The following MTSS2 variants were observed in gnomAD, a reference collection of about 807,000 sequenced individuals.
MTSS2 encodes the protein protein MTSS 2.
Under a neutral mutation model 67.1 loss-of-function variants are expected in MTSS2, and 27 were observed. That is an observed-to-expected ratio of 0.40 (90% CI 0.30 to 0.55). The LOEUF is 0.55. Ranked by LOEUF, MTSS2 falls within the 20% of genes least tolerant of loss-of-function variation. The pLI, the probability that MTSS2 is intolerant of heterozygous loss-of-function variation, is 0.43. For missense variants in MTSS2, 1,171 were observed against 1,067.8 expected (o/e 1.10, Z -1.35); for synonymous variants, 624 against 468.6 (o/e 1.33, Z -4.28).
intron 10 of MTSS2, among the ~76,000 whole-genome samples, chr16:70,675,268 T>C (rs1040460350): frequency 6.6e-6 from 1 of 151,496 alleles, no homozygotes; most frequent in Non-Finnish European, 1.5e-5. Flanking sequence ...ACAAAATATA[T>C]GAAAATTAGC....
rs1236863129 is a variant in MTSS2, at chr16:70,680,062, AG to A, written c.206-8del. 1 of 1,508,286 alleles carries A rather than the reference AG, an allele frequency of 6.6e-7. No homozygotes were observed. The highest frequency in any genetic ancestry group is 8.8e-7 in the Non-Finnish European group (1 of 1,135,980). 93.4% of individuals were successfully genotyped at this position (1,508,286 alleles called of 1,614,324 possible). Reference sequence around the variant, plus strand: ...CCGATGTCCCTCGTGGCCCCTGGCGAGGCAAGCGCGGGGTGGGAAGGGGCCC... The same window carrying A: ...CCGATGTCCCTCGTGGCCCCTGGCGAGCAAGCGCGGGGTGGGAAGGGGCCC... On this transcript the variant is annotated splice_region_variant and splice_polypyrimidine_tract_variant and intron_variant, in intron 3 of 14. Transcript: ENST00000338779.
At chr16:70,679,939 C>A (rs776422372) in intron 4 of MTSS2, 32 bp downstream of exon 4, 6 of 1,497,442 alleles carry the variant, frequency 4.0e-6, no homozygotes, top group Non-Finnish European at 5.3e-6. Context: ...CCCGTCCCCC[C>A]GCCCCCCTGC....
Position 70,679,414 on chromosome 16 carries a change from G to A in MTSS2, c.458-91C>T. 6 of 1,512,590 alleles carry A rather than the reference G, an allele frequency of 4.0e-6. No homozygotes were observed. The South Asian group carries it at 6.9e-5, about 17-fold the overall frequency. 93.7% of individuals were successfully genotyped at this position (1,512,590 alleles called of 1,614,324 possible). ...GATGGACAGAGCCACTCCTGGGGCG[G>A]GGGTGCCTGGGCCTCCTGCTGCCTC... is the stretch of plus-strand genomic sequence containing the variant. On this transcript the variant is annotated intron_variant, in intron 6 of 14. Transcript: ENST00000338779.
rs1296816577 is a variant in MTSS2 at position 70,679,337 on chromosome 16, G to GT, written c.458-15dup. 2 of 1,613,850 alleles carry GT rather than the reference G, an allele frequency of 1.2e-6. No individual in the cohort carries two copies. The highest frequency in any genetic ancestry group is 2.2e-5 in the South Asian group (2 of 91,076). On this transcript the variant is annotated splice_polypyrimidine_tract_variant and intron_variant, in intron 6 of 14. Coordinates refer to ENST00000338779, the MANE Select transcript of MTSS2 (RefSeq NM_138383.3). ...TACCAAGTAGCTCTACAGGAAGGAT[G>GT]TGGGAGGAGAGGAGGAGAGACAGAG...
At chr16:70,677,551 T>A (rs2053159623) in intron 9 of MTSS2, among the ~76,000 whole-genome samples, 1 of 152,168 alleles carries the variant, frequency 6.6e-6, no homozygotes, top group Non-Finnish European at 1.5e-5. Flanking sequence ...CCTGACTCCA[T>A]GGATCCAGGA....
At chr16:70,669,747 G>A (rs1489018130) in intron 11 of MTSS2, among the ~76,000 whole-genome samples, 2 of 149,956 alleles carry the variant, frequency 1.3e-5, no homozygotes, top group Non-Finnish European at 3.0e-5. Flanking sequence ...AGCCCGGGAG[G>A]CGGAGGTTGC....
In MTSS2 at chr16:70,685,920, T is replaced by A; in HGVS notation, c.-129A>T. 1 of 290,902 alleles carries A rather than the reference T, an allele frequency of 3.4e-6. No individual in the cohort carries two copies. The highest frequency in any genetic ancestry group is 4.9e-6 in the Non-Finnish European group (1 of 203,840). 18.0% of individuals were successfully genotyped at this position (290,902 alleles called of 1,614,324 possible). A position where few individuals can be genotyped will look rare whatever the true frequency, so the allele number is the denominator to read the frequency against. On this transcript the variant is annotated 5_prime_UTR_variant, in exon 1 of 15. The change abolishes the stop of an existing upstream ORF in the 5' untranslated region. Coordinates refer to ENST00000338779, the MANE Select transcript of MTSS2 (RefSeq NM_138383.3). ...CGGGCCTCCCGCCTCCAGGCTGCGCTCAGCGGCCGGCCGCGCCGCGCTCCG... is the reference window on the plus strand; with the variant it reads ...CGGGCCTCCCGCCTCCAGGCTGCGCACAGCGGCCGGCCGCGCCGCGCTCCG...
At chr16:70,678,126 G>A in intron 8 of MTSS2, 126 bp downstream of exon 8, 9 of 1,271,594 alleles carry the variant, frequency 7.1e-6, no homozygotes, top group Non-Finnish European at 9.8e-6. Context: ...CCTGCCTTTG[G>A]GCCAGGAGCA....
chr16:70,663,622 C>T lies in MTSS2; in HGVS notation c.*55G>A, dbSNP rs1407352756. ...CTTTGCTCTGAGTGCCTGCGGCTCA[C>T]AGACCAGGCCACCTGCTCGCACTGG... is the stretch of plus-strand genomic sequence containing the variant. On this transcript the variant is annotated 3_prime_UTR_variant, in exon 15 of 15. Coordinates refer to ENST00000338779, the MANE Select transcript of MTSS2 (RefSeq NM_138383.3). The T allele has an allele frequency of 1.7e-5, 26 of 1,489,150 alleles. No individual in the cohort carries two copies. The highest frequency in any genetic ancestry group is 2.0e-5 in the Non-Finnish European group (22 of 1,118,818). 92.2% of individuals were successfully genotyped at this position (1,489,150 alleles called of 1,614,324 possible).
rs1456682547 is a variant in MTSS2 at position 70,661,298 on chromosome 16, G to T, written c.*2379C>A. 6.6e-6 allele frequency: 3 copies of T among 455,374 alleles called. No individual in the cohort carries two copies. In the Admixed American group the frequency reaches 7.1e-5, roughly 11 times the overall value. The allele number at this position is 455,374 out of a possible 1,614,324, so 28.2% of individuals were successfully genotyped here. ...ATATTTAAATCGGGGAGGATGGTGT[G>T]GAGGGGGCGGGGAGGAGAGGAGAAT... On this transcript the variant is annotated 3_prime_UTR_variant, in exon 15 of 15. Coordinates refer to ENST00000338779, the MANE Select transcript of MTSS2 (RefSeq NM_138383.3).
chr16:70,670,002 G>C (rs539281317), intron 11 of MTSS2, among the ~76,000 whole-genome samples: 1 of 152,164 alleles, frequency 6.6e-6, no homozygotes, highest in Non-Finnish European at 1.5e-5. Flanking sequence ...CAGGTGTGGT[G>C]GCTCATGCCT....
chr16:70,668,316 T>G (rs1204591309), intron 11 of MTSS2, among the ~76,000 whole-genome samples: 2 of 151,162 alleles, frequency 1.3e-5, no homozygotes, highest in South Asian at 2.1e-4. Context: ...GGCTGAGGCA[T>G]GAGAATTGCT....
At position 70,661,945 on chromosome 16, in the gene MTSS2, G is replaced by T; in HGVS notation, c.*1732C>A. The T allele has an allele frequency of 6.5e-6, 1 of 153,882 alleles. No homozygotes were observed. Among genetic ancestry groups the T allele is most frequent in the Non-Finnish European group, 1.4e-5 (1 of 69,162 alleles). 9.5% of individuals were successfully genotyped at this position (153,882 alleles called of 1,614,324 possible). A position where few individuals can be genotyped will look rare whatever the true frequency, so the allele number is the denominator to read the frequency against. ...AGACTCCCCAAATAATTGGTCACCT[G>T]CTCTCCTGGCCCCTAAAACCGGGGC... On this transcript the variant is annotated 3_prime_UTR_variant, in exon 15 of 15. Coordinates refer to ENST00000338779, the MANE Select transcript of MTSS2 (RefSeq NM_138383.3).
intron 11 of MTSS2, among the ~76,000 whole-genome samples, chr16:70,667,849 G>T (rs2151916073): frequency 6.6e-6 from 1 of 152,148 alleles, no homozygotes; most frequent in Non-Finnish European, 1.5e-5. Flanking sequence ...CTCCAGCCTG[G>T]GTGACAGAGT....
intron 11 of MTSS2, among the ~76,000 whole-genome samples, chr16:70,671,806 A>G (rs1017505674): frequency 6.6e-6 from 1 of 152,242 alleles, no homozygotes; most frequent in Non-Finnish European, 1.5e-5. Flanking sequence ...CACACGACGC[A>G]GTGACATTGT....
chr16:70,671,899 T>C (rs994109385), intron 11 of MTSS2, among the ~76,000 whole-genome samples: 2 of 152,176 alleles, frequency 1.3e-5, no homozygotes, highest in Non-Finnish European at 2.9e-5. Flanking sequence ...TAATTCTGAA[T>C]GAAAAGGCAT....
In MTSS2 at chr16:70,678,011, C is replaced by T. The variant is rs766494820; in HGVS notation, c.625-112G>A. On this transcript the variant is annotated intron_variant, in intron 8 of 14. Transcript: ENST00000338779. ...GGGCCTCTCCTCTCTCACCCCTCCT[C>T]GCTAACCAATGCTGCTCGGGGCTGG... 3.0e-5 allele frequency: 31 copies of T among 1,029,304 alleles called. 1 individual carries two copies. Among genetic ancestry groups the T allele is most frequent in the Admixed American group, 9.0e-5 (4 of 44,500 alleles). The allele number at this position is 1,029,304 out of a possible 1,614,324, so 63.8% of individuals were successfully genotyped here.
At chr16:70,666,836 G>C (rs374006072) in intron 11 of MTSS2, among the ~76,000 whole-genome samples, 2 of 152,206 alleles carry the variant, frequency 1.3e-5, no homozygotes, top group East Asian at 3.8e-4. Context: ...ATCTGATAAA[G>C]AATATCTACA....
intron 10 of MTSS2, among the ~76,000 whole-genome samples, chr16:70,675,419 T>TAAAAACCCAA (rs2053085628): frequency 6.6e-6 from 1 of 152,134 alleles, no homozygotes. Context: ...CGAGACCCTG[T>TAAAAACCCAA]CTCACAATGA....
Sources: allele counts gnomAD v4.1 joint callset (sites outside exome capture counted in the v4.1 genomes callset), GRCh38; gene constraint gnomAD v4.1.1; transcripts MANE v1.5; gene names NCBI Gene and HGNC (gene_info 2026-07-23, HGNC 2026-07-21).